Variants in RANBP2 observed in about 807,000 individuals in gnomAD.
The protein encoded by RANBP2 is RAN binding protein 2, also known as E3 SUMO-protein ligase RanBP2.
RANBP2 carries 57 observed loss-of-function variants against 303.6 expected under a neutral mutation model. That is an observed-to-expected ratio of 0.19 (90% CI 0.15 to 0.23). RANBP2 has a LOEUF of 0.23. Ranked by LOEUF, RANBP2 falls within the 10% of genes least tolerant of loss-of-function variation. RANBP2 has a pLI of 1.00. For synonymous variants in RANBP2, 1,167 were observed against 1,301.5 expected (o/e 0.90, Z 2.23); for missense variants, 3,138 against 3,780.8 (o/e 0.83, Z 4.46).
chr2:108,854,057 T>A, the RANBP2 span, among the ~76,000 whole-genome samples: 1 of 95,156 alleles, frequency 1.1e-5, no homozygotes, highest in African/African-American at 4.5e-5. Flanking sequence ...AAATTTATAT[T>A]ATATATATTT....
the RANBP2 span, among the ~76,000 whole-genome samples, chr2:109,325,568 A>C: frequency 6.6e-6 from 1 of 151,890 alleles, no homozygotes; most frequent in Non-Finnish European, 1.5e-5. Flanking sequence ...AACATCCCTT[A>C]ATATGGCTGC....
At chr2:109,663,901 T>C in the RANBP2 span, among the ~76,000 whole-genome samples, 1 of 152,210 alleles carries the variant, frequency 6.6e-6, no homozygotes, top group Non-Finnish European at 1.5e-5. Context: ...AAAGCTCTAA[T>C]GAGACCAGTG....
the RANBP2 span, among the ~76,000 whole-genome samples, chr2:108,811,262 T>TTTTTTTG: frequency 6.9e-6 from 1 of 145,952 alleles, no homozygotes; most frequent in African/African-American, 2.5e-5. Flanking sequence ...TTTTTTTTTT[T>TTTTTTTG]GACTGTCTCC....
chr2:109,128,313 C>T, the RANBP2 span: 3 of 152,208 alleles, frequency 2.0e-5, no homozygotes, highest in Middle Eastern at 3.2e-3. Context: ...CTCTGCGCCT[C>T]CGTAGGAAAA....
the RANBP2 span, among the ~76,000 whole-genome samples, chr2:108,915,155 T>A: frequency 3.3e-5 from 5 of 152,322 alleles, no homozygotes; most frequent in Admixed American, 1.3e-4. Flanking sequence ...CCACCTGCCT[T>A]GGCCTCCCAA....
chr2:109,710,691 C>T, the RANBP2 span, among the ~76,000 whole-genome samples: 2 of 152,142 alleles, frequency 1.3e-5, no homozygotes, highest in Non-Finnish European at 1.5e-5. Flanking sequence ...CTGGTGAGTT[C>T]TACCTTCAAC....
rs763628368 is a variant in RANBP2, at chr2:108,763,404, G to T, written c.2865G>T (p.Ser955=). The change falls in exon 20 of 29, where the codon TCG becomes TCT. Residue 955 remains serine (S), a synonymous_variant. Coordinates refer to ENST00000283195, the MANE Select transcript of RANBP2 (RefSeq NM_006267.5). ...AGTCTCCTGCAACGGGAATTCTATC[G>T]CCCAGGGGTGATGATTACTTTAATT... ...RFESPATGIL[S]PRGDDYFNYN... is the part of the protein sequence containing the mutation. 6.2e-7 allele frequency: 1 copy of T among 1,613,874 alleles called. No homozygotes were observed.
At chr2:108,865,692 C>T in the RANBP2 span, among the ~76,000 whole-genome samples, 5 of 152,142 alleles carry the variant, frequency 3.3e-5, no homozygotes, top group Non-Finnish European at 2.9e-5. Context: ...GAGACTGAAG[C>T]CATTTCCTCA....
At chr2:109,323,951 A>G in the RANBP2 span, among the ~76,000 whole-genome samples, 2 of 152,208 alleles carry the variant, frequency 1.3e-5, no homozygotes, top group African/African-American at 2.4e-5. Flanking sequence ...TGCCATACCT[A>G]TCAGTAGTCA....
chr2:109,103,365 G>A, the RANBP2 span, among the ~76,000 whole-genome samples: 1 of 152,268 alleles, frequency 6.6e-6, no homozygotes, highest in South Asian at 2.1e-4. Context: ...TGTATTGATT[G>A]ATGCCTTATG....
chr2:109,227,649 G>A, the RANBP2 span, among the ~76,000 whole-genome samples: 1 of 152,172 alleles, frequency 6.6e-6, no homozygotes, highest in Non-Finnish European at 1.5e-5. Flanking sequence ...CTGGCTTCAT[G>A]GGGTACACGG....
the RANBP2 span, among the ~76,000 whole-genome samples, chr2:109,714,116 T>G: frequency 6.6e-6 from 1 of 152,156 alleles, no homozygotes; most frequent in African/African-American, 2.4e-5. Flanking sequence ...GGTCTTGCTC[T>G]GTCACCCAGG....
chr2:108,728,600 TG>T (rs1694922196), intron 1 of RANBP2, among the ~76,000 whole-genome samples: 2 of 126,560 alleles, frequency 1.6e-5, no homozygotes, highest in South Asian at 5.8e-4. Context: ...TTATTTATGA[TG>T]ATGATGATGA....
the RANBP2 span, among the ~76,000 whole-genome samples, chr2:109,674,410 CAAAAAAAAAA>C: frequency 3.5e-4 from 26 of 75,270 alleles, no homozygotes; most frequent in African/African-American, 1.4e-3. Flanking sequence ...CTTGTGTCTC[CAAAAAAAAAA>C]AAAAAAAAAA....
the RANBP2 span, among the ~76,000 whole-genome samples, chr2:109,047,517 A>G: frequency 6.6e-6 from 1 of 152,184 alleles, no homozygotes; most frequent in Admixed American, 6.5e-5. Flanking sequence ...ACAAACAAAC[A>G]AACAAAGTGG....
At chr2:109,410,164 C>T in the RANBP2 span, among the ~76,000 whole-genome samples, 10,090 of 152,290 alleles carry the variant, frequency 0.066, 479 homozygotes, top group East Asian at 0.26. Context: ...GGTTTAGAAT[C>T]GGGGAACCGC....
the RANBP2 span, among the ~76,000 whole-genome samples, chr2:109,059,518 C>G: frequency 1.2e-4 from 18 of 151,598 alleles, no homozygotes; most frequent in East Asian, 2.0e-4. Context: ...AGAGCTTGCA[C>G]TGAGCTGAGA....
the RANBP2 span, among the ~76,000 whole-genome samples, chr2:109,066,413 CT>C: frequency 6.6e-6 from 1 of 152,016 alleles, no homozygotes; most frequent in Non-Finnish European, 1.5e-5. Context: ...GCCGTGGATT[CT>C]TTTTTTATAA....
the RANBP2 span, among the ~76,000 whole-genome samples, chr2:109,165,734 A>G: frequency 1.3e-5 from 2 of 150,936 alleles, no homozygotes; most frequent in Non-Finnish European, 3.0e-5. Context: ...TGCTGCCCCC[A>G]CTCTCCCCAC....
Sources: allele counts gnomAD v4.1 joint callset (sites outside exome capture counted in the v4.1 genomes callset), GRCh38; gene constraint gnomAD v4.1.1; transcripts MANE v1.5; gene names NCBI Gene and HGNC (gene_info 2026-07-23, HGNC 2026-07-21).